SMC6: variants seen among roughly 807,000 people sequenced by gnomAD.
SMC6 encodes the protein structural maintenance of chromosomes protein 6.
In SMC6, 79 loss-of-function variants were observed where a neutral mutation model predicts 142.2. The observed-to-expected ratio is 0.56, with a 90% CI of 0.46 to 0.67. The LOEUF (loss-of-function observed/expected upper bound fraction) is 0.67, where lower values mean the gene tolerates loss of function less well. Among genes scored for constraint, SMC6 ranks in the 30% least tolerant of loss-of-function variants. The pLI is 0.00. For missense variants in SMC6, 1,072 were observed against 1,284.0 expected, an observed-to-expected ratio of 0.83 and a Z score of 2.52; for synonymous variants, 411 against 412.4, an observed-to-expected ratio of 1.00 and a Z score of 0.04.
chr2:17,680,545 T>G (rs983330228), intron 24 of SMC6: 1 of 152,206 alleles, frequency 6.6e-6, no homozygotes, highest in Non-Finnish European at 1.5e-5. Context: ...AATAAAAGAC[T>G]TGAAAGTTAA....
intron 5 of SMC6, among the ~76,000 whole-genome samples, chr2:17,736,137 AGGAAG>A (rs766562315): frequency 5.9e-5 from 9 of 152,324 alleles, no homozygotes; most frequent in Non-Finnish European, 8.8e-5. Flanking sequence ...GTTTTCAATG[AGGAAG>A]GGGATAGATA....
chr2:17,670,447 G>A lies in SMC6; in HGVS notation c.3039C>T (p.Cys1013=). The A allele has an allele frequency of 1.2e-6, 2 of 1,613,482 alleles. No homozygotes were observed. The highest frequency in any genetic ancestry group is 1.7e-6 in the Non-Finnish European group (2 of 1,179,774). ...LWSIAESPFR[C]LDEFDVYMDM... Reference sequence around the variant, plus strand: ...CCATGTAGACATCAAATTCATCCAGGCATCTGAAAGGAGATTCTGCGATGG... The same window carrying A: ...CCATGTAGACATCAAATTCATCCAGACATCTGAAAGGAGATTCTGCGATGG... The change falls in exon 26 of 28, where the codon TGC becomes TGT. Residue 1013 remains cysteine, a synonymous_variant. Coordinates refer to ENST00000448223, the MANE Select transcript of SMC6 (RefSeq NM_001142286.2).
intron 23 of SMC6, among the ~76,000 whole-genome samples, chr2:17,691,336 CTGTGTGTGTG>C (rs1558336966): frequency 1.0e-5 from 1 of 95,294 alleles, no homozygotes; most frequent in Non-Finnish European, 2.1e-5. Context: ...GTGTGTGTCT[CTGTGTGTGTG>C]TGTCTGTGTG....
chr2:17,671,431 C>CCACACA (rs10686942), intron 25 of SMC6, among the ~76,000 whole-genome samples: 7 of 148,770 alleles, frequency 4.7e-5, no homozygotes, highest in Middle Eastern at 3.2e-3. Flanking sequence ...AACCTCATCT[C>CCACACA]CACACACACA....
At chr2:17,710,837 T>G (rs977122493) in intron 16 of SMC6, among the ~76,000 whole-genome samples, 17 of 151,896 alleles carry the variant, frequency 1.1e-4, no homozygotes, top group African/African-American at 3.9e-4. Flanking sequence ...AGAAAGAAAT[T>G]AGAGAAACAG....
chr2:17,683,762 G>T lies in SMC6; in HGVS notation c.2680C>A (p.Gln894Lys), dbSNP rs1274262639. 2 of 1,607,162 alleles carry T rather than the reference G, an allele frequency of 1.2e-6. No homozygotes were observed. The highest frequency in any genetic ancestry group is 4.5e-5 in the East Asian group (2 of 44,756). ...TAGGTCTCTCTTGCTTCTTGGTACT[G>T]CCTATTATATAAACAAAATATTACG... ...SHGDREEIMR[Q>K]YQEARETYLD... Residue 894 changes from glutamine to lysine, a missense_variant and splice_region_variant, in exon 24 of 28, where the codon CAG (glutamine) becomes AAG (lysine). By Grantham distance (53) the Gln-to-Lys change is moderately conservative. Around this residue, in one of 3 missense-constraint regions of SMC6, gnomAD observed 994 missense variants for 1,153.2 expected, o/e 0.86. Coordinates refer to ENST00000448223, the MANE Select transcript of SMC6 (RefSeq NM_001142286.2).
intron 11 of SMC6, among the ~76,000 whole-genome samples, chr2:17,720,715 G>A (rs1448321135): frequency 6.6e-6 from 1 of 152,034 alleles, no homozygotes; most frequent in African/African-American, 2.4e-5. Flanking sequence ...GAGTTCTAGA[G>A]CCCTAGCCTC....
rs750490911 is a variant in SMC6, at chr2:17,665,460, A to T, written c.*39T>A. 6 of 1,443,246 alleles carry T rather than the reference A, an allele frequency of 4.2e-6. No individual in the cohort carries two copies. In the African/African-American group the frequency reaches 8.6e-5, roughly 21 times the overall value. The allele number at this position is 1,443,246 out of a possible 1,614,324, so 89.4% of individuals were successfully genotyped here. On this transcript the variant is annotated 3_prime_UTR_variant, in exon 28 of 28. Transcript: ENST00000448223. The stretch of plus-strand genomic sequence containing the variant: ...GTCCAGAATTTTTTTTCCCTTCACA[A>T]ATCCTTCAACATCAGGACAAGGCAT...
At chr2:17,695,461 T>C (rs1012956441) in intron 22 of SMC6, among the ~76,000 whole-genome samples, 164 bp from the exon 23 acceptor site, 1 of 152,152 alleles carries the variant, frequency 6.6e-6, no homozygotes, top group African/African-American at 2.4e-5. Flanking sequence ...AAGTTTTATA[T>C]TGAAGATAAA....
At chr2:17,750,337 G>A (rs1353177071) in intron 2 of SMC6, among the ~76,000 whole-genome samples, 1 of 152,230 alleles carries the variant, frequency 6.6e-6, no homozygotes, top group African/African-American at 2.4e-5. Flanking sequence ...ACAAATGGGT[G>A]AGTAGAATTA....
intron 13 of SMC6, 28 bp downstream of exon 13, chr2:17,717,060 C>G: frequency 6.3e-7 from 1 of 1,592,684 alleles, no homozygotes; most frequent in Non-Finnish European, 8.6e-7. Flanking sequence ...ATGGGATAGC[C>G]ATGAAAATTT....
rs1032547231 is a variant in SMC6, at chr2:17,703,307, A to G, written c.2007-15T>C. 2 of 1,584,802 alleles carry G rather than the reference A, an allele frequency of 1.3e-6. No homozygotes were observed. The stretch of plus-strand genomic sequence containing the variant: ...TCTCCAAGTCACTTGATAGGAAAGG[A>G]GAAGATAGAAAATACTTTAAATCTT... On this transcript the variant is annotated splice_polypyrimidine_tract_variant and intron_variant, in intron 18 of 27. Transcript: ENST00000448223.
chr2:17,664,209 T>C lies in SMC6; in HGVS notation c.*1290A>G, dbSNP rs1271903181. The C allele has an allele frequency of 1.3e-5, 2 of 152,242 alleles. No individual in the cohort carries two copies. The highest frequency in any genetic ancestry group is 2.9e-5 in the Non-Finnish European group (2 of 68,040). The allele number at this position is 152,242 out of a possible 1,614,324, so 9.4% of individuals were successfully genotyped here. On this transcript the variant is annotated 3_prime_UTR_variant, in exon 28 of 28. Coordinates refer to ENST00000448223, the MANE Select transcript of SMC6 (RefSeq NM_001142286.2). ...GTAAATTTAAAAATCAGACTTTGTA[T>C]GATCAGTGGGAAATGTTTAAAATAT...
chr2:17,702,713 G>A (rs1668326433), intron 19 of SMC6, among the ~76,000 whole-genome samples: 1 of 152,036 alleles, frequency 6.6e-6, no homozygotes, highest in South Asian at 2.1e-4. Context: ...TGTTCTTGTG[G>A]TAGTGAGTAA....
At chr2:17,726,128 T>C (rs1302249706) in intron 8 of SMC6, among the ~76,000 whole-genome samples, 1 of 144,248 alleles carries the variant, frequency 6.9e-6, no homozygotes, top group African/African-American at 2.7e-5. Context: ...TTACAAGTTA[T>C]TATGTATGTA....
chr2:17,690,540 G>T (rs1667654570), intron 23 of SMC6, among the ~76,000 whole-genome samples: 1 of 152,002 alleles, frequency 6.6e-6, no homozygotes, highest in Admixed American at 6.5e-5. Flanking sequence ...GTTGCAGTGA[G>T]CCAAGATTGC....
rs1236103647 is a variant in SMC6, at chr2:17,663,870, C to A, written c.*1629G>T. The A allele has an allele frequency of 6.6e-6, 1 of 152,106 alleles. No individual in the cohort carries two copies. The highest frequency in any genetic ancestry group is 2.4e-5 in the African/African-American group (1 of 41,434). The allele number at this position is 152,106 out of a possible 1,614,324, so 9.4% of individuals were successfully genotyped here. ...TACACATATTTTAAAAGAACAATTT[C>A]TTTTTATTCTTTCATTCTAGTAATA... On this transcript the variant is annotated 3_prime_UTR_variant, in exon 28 of 28. Coordinates refer to ENST00000448223, the MANE Select transcript of SMC6 (RefSeq NM_001142286.2).
At chr2:17,718,284 T>A in intron 11 of SMC6, 61 bp from the exon 12 acceptor site, 1 of 1,204,664 alleles carries the variant, frequency 8.3e-7, no homozygotes, top group Non-Finnish European at 1.1e-6. Flanking sequence ...TTTTAAAAAA[T>A]AATTATCTAT....
At chr2:17,708,415 G>T (rs1668657711) in intron 17 of SMC6, among the ~76,000 whole-genome samples, 1 of 152,056 alleles carries the variant, frequency 6.6e-6, no homozygotes, top group African/African-American at 2.4e-5. Flanking sequence ...TTTGTGAAAT[G>T]ATTTTATAAA....
Sources: allele counts gnomAD v4.1 joint callset (sites outside exome capture counted in the v4.1 genomes callset), GRCh38; gene constraint gnomAD v4.1.1; regional missense constraint gnomAD v4.1.1; transcripts MANE v1.5; gene names NCBI Gene and HGNC (gene_info 2026-07-23, HGNC 2026-07-21).